Variants in DPP10 observed in about 807,000 individuals in gnomAD.
DPP10 encodes dipeptidyl peptidase like 10.
A neutral mutation model predicts 120.9 loss-of-function variants in DPP10; 33 were observed. The observed-to-expected ratio is 0.27, with a 90% CI of 0.21 to 0.37. DPP10 has a LOEUF of 0.37. Ranked by LOEUF, DPP10 falls within the 10% of genes least tolerant of loss-of-function variation. The pLI is 1.00. For synonymous variants in DPP10, 337 were observed against 326.1 expected (o/e 1.03, Z -0.36); for missense variants, 816 against 942.8 (o/e 0.87, Z 1.76).
At chr2:115,059,962 A>G (rs1264835742) in intron 1 of DPP10, among the ~76,000 whole-genome samples, 1 of 152,102 alleles carries the variant, frequency 6.6e-6, no homozygotes, top group African/African-American at 2.4e-5. Context: ...TTTCCAGTTT[A>G]AAACATGAGG....
intron 4 of DPP10, among the ~76,000 whole-genome samples, chr2:115,513,003 ATTGT>A (rs1402923023): frequency 6.6e-6 from 1 of 152,026 alleles, no homozygotes; most frequent in Non-Finnish European, 1.5e-5. Flanking sequence ...TTATTATTAA[ATTGT>A]TTATTTTCCC....
intron 1 of DPP10, among the ~76,000 whole-genome samples, chr2:114,452,191 T>C (rs1180387931): frequency 6.6e-6 from 1 of 152,302 alleles, no homozygotes; most frequent in East Asian, 1.9e-4. Flanking sequence ...TGCCTAGTAA[T>C]ACATGAATGG....
In DPP10 at chr2:114,442,963, G is replaced by T. The variant is rs770881441; in HGVS notation, c.60+125G>T. On this transcript the variant is annotated intron_variant, in intron 1 of 25. Coordinates refer to ENST00000410059, the MANE Select transcript of DPP10 (RefSeq NM_020868.6). Reference sequence around the variant, plus strand: ...TACTTGATTTGAGTTTGAATTGAAGGTTGAGTCACAATAAAGCATTTGGCT... The same window carrying T: ...TACTTGATTTGAGTTTGAATTGAAGTTTGAGTCACAATAAAGCATTTGGCT... 19 of 1,207,904 alleles carry T rather than the reference G, an allele frequency of 1.6e-5. 1 individual carries two copies. The Admixed American group carries it at 3.2e-4, about 21-fold the overall frequency. 74.8% of individuals were successfully genotyped at this position (1,207,904 alleles called of 1,614,324 possible). A position where few individuals can be genotyped will look rare whatever the true frequency, so the allele number is the denominator to read the frequency against.
intron 1 of DPP10, among the ~76,000 whole-genome samples, chr2:114,466,817 G>A (rs1025538765): frequency 6.6e-6 from 1 of 152,170 alleles, no homozygotes; most frequent in African/African-American, 2.4e-5. Flanking sequence ...GCTGAGGTGG[G>A]TGGGTCGCTT....
Position 115,559,017 on chromosome 2 carries a change from A to C in DPP10, c.441+33045A>C, listed in dbSNP as rs79745385. ...CCAGGTCAAGTAGGGCATTTCCCAG[A>C]TATGATAAATAAATATCTTGGGAGC... On this transcript the variant is annotated intron_variant, in intron 5 of 25. Transcript: ENST00000410059. 3.7e-3 allele frequency among the ~76,000 whole-genome samples: 560 copies of C among 152,340 alleles called. 3 individuals are homozygous for C. Among genetic ancestry groups the C allele is most frequent in the African/African-American group, 0.013 (548 of 41,580 alleles).
chr2:115,066,685 G>A (rs1265753976), intron 1 of DPP10: 1 of 152,120 alleles, frequency 6.6e-6, no homozygotes, highest in East Asian at 1.9e-4. Flanking sequence ...CTGATGCTCA[G>A]TACTGTATTA....
chr2:114,822,987 C>G (rs1200715299), intron 1 of DPP10, among the ~76,000 whole-genome samples: 1 of 152,224 alleles, frequency 6.6e-6, no homozygotes, highest in African/African-American at 2.4e-5. Flanking sequence ...CTATCTTCTT[C>G]TGAGTCCTCC....
intron 1 of DPP10, among the ~76,000 whole-genome samples, chr2:114,546,759 G>A (rs1013753187): frequency 6.6e-6 from 1 of 152,294 alleles, no homozygotes; most frequent in East Asian, 1.9e-4. Flanking sequence ...CTGATGCTGA[G>A]ATTAGAAGTC....
chr2:114,508,083 C>A (rs951675324), intron 1 of DPP10, among the ~76,000 whole-genome samples: 4 of 151,378 alleles, frequency 2.6e-5, no homozygotes, highest in Admixed American at 6.6e-5. Context: ...TTCTTTCTCT[C>A]TTCTTTGTTT....
intron 1 of DPP10, among the ~76,000 whole-genome samples, chr2:114,669,027 C>A (rs1315945208): frequency 6.6e-6 from 1 of 152,156 alleles, no homozygotes; most frequent in Non-Finnish European, 1.5e-5. Context: ...TTGCTTGAGT[C>A]TGATCATCCA....
chr2:115,697,642 A>C (rs1410181416), intron 7 of DPP10, among the ~76,000 whole-genome samples: 1 of 152,046 alleles, frequency 6.6e-6, no homozygotes. Flanking sequence ...TACTCTCAAT[A>C]ATGGCTAGAA....
chr2:115,637,224 T>C (rs1362497540), intron 5 of DPP10, among the ~76,000 whole-genome samples: 1 of 152,154 alleles, frequency 6.6e-6, no homozygotes, highest in Non-Finnish European at 1.5e-5. Context: ...AAATTATGAC[T>C]ATATAAAGCC....
chr2:114,637,937 C>T (rs1016926053), intron 1 of DPP10, among the ~76,000 whole-genome samples: 1 of 151,774 alleles, frequency 6.6e-6, no homozygotes, highest in Non-Finnish European at 1.5e-5. Context: ...CAGCTTTGCT[C>T]TTTTTGCTTA....
intron 5 of DPP10, among the ~76,000 whole-genome samples, chr2:115,592,316 AG>A (rs2082710395): frequency 6.6e-6 from 1 of 152,144 alleles, no homozygotes; most frequent in Non-Finnish European, 1.5e-5. Context: ...TTGACTGGCA[AG>A]GGTGGTCTTG....
At chr2:115,484,171 C>G (rs1271546257) in intron 3 of DPP10, among the ~76,000 whole-genome samples, 4 of 151,584 alleles carry the variant, frequency 2.6e-5, no homozygotes, top group Non-Finnish European at 5.9e-5. Flanking sequence ...CACAGGTGCA[C>G]ACATACATGT....
intron 1 of DPP10, among the ~76,000 whole-genome samples, chr2:114,848,028 T>C (rs1450328860): frequency 6.6e-6 from 1 of 152,198 alleles, no homozygotes; most frequent in Non-Finnish European, 1.5e-5. Flanking sequence ...ATCAGTTTTA[T>C]ATGTCTGGAA....
At chr2:114,848,522 T>C (rs1688711949) in intron 1 of DPP10, among the ~76,000 whole-genome samples, 1 of 152,010 alleles carries the variant, frequency 6.6e-6, no homozygotes, top group African/African-American at 2.4e-5. Context: ...ATGAGAAAAA[T>C]GGTGCCCCAA....
intron 5 of DPP10, among the ~76,000 whole-genome samples, chr2:115,538,912 A>G (rs1575128008): frequency 6.6e-6 from 1 of 152,036 alleles, no homozygotes; most frequent in Non-Finnish European, 1.5e-5. Context: ...ATTATGTATC[A>G]TATTCATGAT....
At chr2:115,611,981 G>A (rs7585406) in intron 5 of DPP10, among the ~76,000 whole-genome samples, 150,369 of 152,246 alleles carry the variant, frequency 0.99, 74,290 homozygotes, top group Non-Finnish European at 1. Flanking sequence ...ATTCACAAAT[G>A]TTAGATTTAT....
Sources: allele counts gnomAD v4.1 joint callset (sites outside exome capture counted in the v4.1 genomes callset), GRCh38; gene constraint gnomAD v4.1.1; transcripts MANE v1.5; gene names NCBI Gene and HGNC (gene_info 2026-07-23, HGNC 2026-07-21).